CREB5: variants seen among roughly 807,000 people sequenced by gnomAD.
CREB5 encodes cAMP responsive element binding protein 5, also known as cyclic AMP-responsive element-binding protein 5.
CREB5 carries 19 observed loss-of-function variants against 57.1 expected under a neutral mutation model. That is an observed-to-expected ratio of 0.33 (90% CI 0.23 to 0.49). CREB5 has a LOEUF of 0.49. CREB5 is among the 20% of genes least tolerant of loss of function. CREB5 has a pLI of 0.99. For synonymous variants in CREB5, 238 were observed against 238.3 expected (o/e 1.00, Z 0.01); for missense variants, 579 against 671.6 (o/e 0.86, Z 1.52).
At chr7:28,358,533 GTTTTC>G (rs1786394032) in intron 1 of CREB5, among the ~76,000 whole-genome samples, 1 of 152,190 alleles carries the variant, frequency 6.6e-6, no homozygotes, top group South Asian at 2.1e-4. Context: ...AAAGCATGTT[GTTTTC>G]TTTTTAGACT....
intron 5 of CREB5, among the ~76,000 whole-genome samples, chr7:28,602,393 C>T (rs1796953733): frequency 6.6e-6 from 1 of 152,162 alleles, no homozygotes; most frequent in African/African-American, 2.4e-5. Flanking sequence ...TCCCAAAGTG[C>T]TGGGATTACA....
chr7:28,564,458 G>C (rs1048957404), intron 4 of CREB5, among the ~76,000 whole-genome samples: 8 of 152,094 alleles, frequency 5.3e-5, no homozygotes, highest in Non-Finnish European at 1.2e-4. Context: ...GCATCAGATT[G>C]TTTTTTTGCA....
chr7:28,511,412 G>C (rs1792696210), intron 4 of CREB5, among the ~76,000 whole-genome samples: 1 of 152,174 alleles, frequency 6.6e-6, no homozygotes, highest in African/African-American at 2.4e-5. Flanking sequence ...ATCCGGGTCT[G>C]GGAGGGCAGA....
chr7:28,347,531 C>T (rs1010101479), intron 1 of CREB5, among the ~76,000 whole-genome samples: 1 of 152,190 alleles, frequency 6.6e-6, no homozygotes, highest in African/African-American at 2.4e-5. Flanking sequence ...TAATGTGTCA[C>T]AATATTTTGC....
chr7:28,775,135 C>T (rs1263214781), intron 7 of CREB5, among the ~76,000 whole-genome samples: 2 of 152,110 alleles, frequency 1.3e-5, no homozygotes, highest in Admixed American at 6.5e-5. Flanking sequence ...ACCTAAAATA[C>T]GTTGTGTGGC....
At chr7:28,809,058 C>A in intron 8 of CREB5, 129 bp from the exon 9 acceptor site, 1 of 743,676 alleles carries the variant, frequency 1.3e-6, no homozygotes, top group Non-Finnish European at 2.2e-6. Context: ...TCATAGGAGG[C>A]AAGTCTCATA....
chr7:28,365,984 G>A (rs1164317272), intron 1 of CREB5, among the ~76,000 whole-genome samples: 1 of 152,102 alleles, frequency 6.6e-6, no homozygotes, highest in Non-Finnish European at 1.5e-5. Context: ...TCTTAAAACT[G>A]TTATATGGTT....
At chr7:28,611,760 C>T in intron 5 of CREB5, among the ~76,000 whole-genome samples, 1 of 151,398 alleles carries the variant, frequency 6.6e-6, no homozygotes, top group East Asian at 1.9e-4. Flanking sequence ...AAGGGGTTAA[C>T]TACAAATGGG....
intron 4 of CREB5, among the ~76,000 whole-genome samples, chr7:28,529,282 C>A (rs1176324652): frequency 6.6e-6 from 1 of 152,166 alleles, no homozygotes; most frequent in Non-Finnish European, 1.5e-5. Context: ...ATTGACCACT[C>A]AGGCAATAGC....
intron 1 of CREB5, among the ~76,000 whole-genome samples, chr7:28,351,658 C>T (rs1786188821): frequency 6.6e-6 from 1 of 152,096 alleles, no homozygotes; most frequent in Non-Finnish European, 1.5e-5. Flanking sequence ...ACAGTGTGTA[C>T]ATGGCAGCTT....
At chr7:28,441,130 C>T (rs140462143) in intron 1 of CREB5, among the ~76,000 whole-genome samples, 1 of 152,266 alleles carries the variant, frequency 6.6e-6, no homozygotes, top group African/African-American at 2.4e-5. Flanking sequence ...GACTTCGGAG[C>T]TTGATTTAAA....
At chr7:28,624,109 AC>A (rs1797905041) in intron 5 of CREB5, among the ~76,000 whole-genome samples, 1 of 152,240 alleles carries the variant, frequency 6.6e-6, no homozygotes, top group African/African-American at 2.4e-5. Flanking sequence ...TGAAGCCGTT[AC>A]AAATAGATAA....
chr7:28,636,058 A>T (rs1798407041), intron 5 of CREB5, among the ~76,000 whole-genome samples: 1 of 152,258 alleles, frequency 6.6e-6, no homozygotes, highest in Non-Finnish European at 1.5e-5. Context: ...AACCTTAGAG[A>T]TCATCTCTTC....
intron 4 of CREB5, among the ~76,000 whole-genome samples, chr7:28,569,182 G>A (rs1010788784): frequency 7.3e-5 from 11 of 150,512 alleles, no homozygotes; most frequent in African/African-American, 2.7e-4. Context: ...TTTAGAGACA[G>A]AGTCTCACTC....
intron 9 of CREB5, among the ~76,000 whole-genome samples, chr7:28,813,924 A>ATAT (rs1479346063): frequency 6.6e-6 from 1 of 152,232 alleles, no homozygotes; most frequent in Non-Finnish European, 1.5e-5. Flanking sequence ...CAATCAATAC[A>ATAT]TATTATTAAT....
At chr7:28,550,122 TC>T (rs1794568975) in intron 4 of CREB5, among the ~76,000 whole-genome samples, 1 of 152,136 alleles carries the variant, frequency 6.6e-6, no homozygotes, top group Non-Finnish European at 1.5e-5. Flanking sequence ...TTCCTCCTTT[TC>T]TTACTCCTCT....
rs560296160 is a variant in CREB5 at position 28,450,366 on chromosome 7, C to A, written c.3+37449C>A. Among the ~76,000 whole-genome samples the A allele has an allele frequency of 7.2e-5, 11 of 152,330 alleles. No individual in the cohort carries two copies. The South Asian group carries it at 2.1e-3, about 29-fold the overall frequency. ...GGTGAAGGAAAAGCCTGGAAGATCT[C>A]AAAAATTATCCCAGTTCTAAAGCGT... On this transcript the variant is annotated intron_variant, in intron 1 of 10. Coordinates refer to ENST00000357727, the MANE Select transcript of CREB5 (RefSeq NM_182898.4).
intron 7 of CREB5, among the ~76,000 whole-genome samples, chr7:28,782,803 A>G (rs79881969): frequency 1.3e-5 from 2 of 152,216 alleles, no homozygotes. Flanking sequence ...GAACTGGCCA[A>G]TGGTGAGGGG....
At chr7:28,714,003 GCCCAGGTT>G (rs1406338635) in intron 5 of CREB5, among the ~76,000 whole-genome samples, 8 of 151,826 alleles carry the variant, frequency 5.3e-5, no homozygotes, top group Non-Finnish European at 8.8e-5. Flanking sequence ...TCACTGTGAT[GCCCAGGTT>G]CCCAGGTTCC....
Sources: gnomAD v4.1 joint callset for allele counts (sites outside exome capture counted in the v4.1 genomes callset) on GRCh38, gnomAD v4.1.1 for gene constraint, MANE v1.5 for transcripts, NCBI Gene and HGNC (gene_info 2026-07-23, HGNC 2026-07-21) for gene names.